LRRC37A2: variants seen among roughly 807,000 people sequenced by gnomAD.
LRRC37A2 encodes the protein leucine rich repeat containing 37 member A2.
In LRRC37A2, 9 loss-of-function variants were observed where a neutral mutation model predicts 68.8. The ratio of observed to expected loss-of-function variants is 0.13; its 90% CI spans 0.08 to 0.23. The LOEUF (loss-of-function observed/expected upper bound fraction) is 0.23, where lower values mean the gene tolerates loss of function less well. Ranked by LOEUF, LRRC37A2 falls within the 10% of genes least tolerant of loss-of-function variation. The pLI is 1.00. For missense variants in LRRC37A2, 168 were observed against 950.4 expected (o/e 0.18, Z 10.82); for synonymous variants, 63 against 367.6 (o/e 0.17, Z 9.48).
At chr17:46,556,469 CT>C (rs1433547645), downstream of LRRC37A2, 4 of 35,214 alleles carry the variant, frequency 1.1e-4, no homozygotes, top group Non-Finnish European at 1.8e-4. Flanking sequence ...CAAGTCCTGT[CT>C]TTTAAGGAGT....
At chr17:46,949,654 G>A in the LRRC37A2 span, among the ~76,000 whole-genome samples, 155 of 152,270 alleles carry the variant, frequency 1.0e-3, no homozygotes, top group African/African-American at 3.5e-3. Context: ...TGCACAAACC[G>A]TCACACAGGT....
the LRRC37A2 span, among the ~76,000 whole-genome samples, chr17:46,792,421 C>T: frequency 6.6e-6 from 1 of 152,184 alleles, no homozygotes; most frequent in Non-Finnish European, 1.5e-5. Flanking sequence ...ATTTCCTCAA[C>T]TCTGCTCTAA....
chr17:46,925,251 C>G, the LRRC37A2 span, among the ~76,000 whole-genome samples: 3 of 152,196 alleles, frequency 2.0e-5, no homozygotes, highest in Non-Finnish European at 4.4e-5. Context: ...ATTGATGTAC[C>G]TGTGTTCCAG....
At chr17:46,938,842 G>A in the LRRC37A2 span, 1 of 1,602,798 alleles carries the variant, frequency 6.2e-7, no homozygotes, top group Non-Finnish European at 8.5e-7. Flanking sequence ...GGGCCCAGAG[G>A]CCGCCTTTTG....
At chr17:46,543,569 G>A (rs2055804845) in intron 8 of LRRC37A2, among the ~76,000 whole-genome samples, 1 of 150,866 alleles carries the variant, frequency 6.6e-6, no homozygotes, top group African/African-American at 2.5e-5. Context: ...GTCAGAGAAT[G>A]CCTTGGTTCT....
the LRRC37A2 span, among the ~76,000 whole-genome samples, chr17:46,766,501 A>C: frequency 6.6e-6 from 1 of 151,796 alleles, no homozygotes; most frequent in Non-Finnish European, 1.5e-5. Context: ...TGAGTGGACG[A>C]GTGGAGGCGC....
the LRRC37A2 span, chr17:46,939,109 G>A: frequency 1.5e-5 from 18 of 1,199,836 alleles, no homozygotes; most frequent in East Asian, 8.8e-4. Flanking sequence ...CCTGTGTGCA[G>A]GACTGTCCAC....
At chr17:46,790,683 C>T in the LRRC37A2 span, among the ~76,000 whole-genome samples, 4,964 of 152,270 alleles carry the variant, frequency 0.033, 119 homozygotes, top group Middle Eastern at 0.11. Flanking sequence ...CCTCCCCCAT[C>T]ATCTCTCTCC....
the LRRC37A2 span, chr17:46,713,457 C>CGAA: frequency 6.3e-6 from 1 of 159,404 alleles, no homozygotes; most frequent in East Asian, 1.9e-4. Flanking sequence ...GCAGTTTTCC[C>CGAA]CTGCCCCCAA....
the LRRC37A2 span, among the ~76,000 whole-genome samples, chr17:46,491,142 C>G: frequency 2.0e-5 from 3 of 151,158 alleles, no homozygotes; most frequent in South Asian, 2.1e-4. Flanking sequence ...GGCGATCCGC[C>G]CGCCTCAGCT....
the LRRC37A2 span, among the ~76,000 whole-genome samples, chr17:46,500,793 A>T: frequency 2.6e-5 from 4 of 151,120 alleles, no homozygotes; most frequent in African/African-American, 9.9e-5. Context: ...ATTTTTACTC[A>T]TCTGGATCTT....
the LRRC37A2 span, among the ~76,000 whole-genome samples, chr17:46,738,377 A>G: frequency 0.78 from 119,114 of 152,144 alleles, 50,404 homozygotes; most frequent in Non-Finnish European, 0.97. Context: ...TTTTTTCTAA[A>G]TGACTGAAGC....
At chr17:46,789,812 C>T in the LRRC37A2 span, among the ~76,000 whole-genome samples, 1 of 152,352 alleles carries the variant, frequency 6.6e-6, no homozygotes, top group Non-Finnish European at 1.5e-5. Flanking sequence ...GTGGCAGATG[C>T]GCACGCAGGA....
the LRRC37A2 span, chr17:46,774,044 C>T: frequency 3.8e-6 from 5 of 1,310,488 alleles, no homozygotes; most frequent in Non-Finnish European, 5.2e-6. Context: ...GAATGTGCTA[C>T]CTTTGACCTC....
the LRRC37A2 span, among the ~76,000 whole-genome samples, chr17:47,030,100 C>T: frequency 1.2e-5 from 1 of 82,840 alleles, no homozygotes; most frequent in Admixed American, 1.2e-4. Context: ...TCATCATCAT[C>T]ATCATCATCA....
At chr17:46,569,307 AATT>A in the LRRC37A2 span, among the ~76,000 whole-genome samples, 33 of 149,682 alleles carry the variant, frequency 2.2e-4, 1 homozygote, top group African/African-American at 7.0e-4. Flanking sequence ...GATATTAAAG[AATT>A]ATTATTAATT....
At chr17:46,995,747 C>T in the LRRC37A2 span, among the ~76,000 whole-genome samples, 5 of 152,194 alleles carry the variant, frequency 3.3e-5, no homozygotes, top group Non-Finnish European at 7.3e-5. Flanking sequence ...GAGAGAGAAA[C>T]TGAGCTTCAA....
chr17:46,409,315 A>G, the LRRC37A2 span, among the ~76,000 whole-genome samples: 6 of 131,402 alleles, frequency 4.6e-5, no homozygotes, highest in African/African-American at 3.0e-5. Flanking sequence ...TTTTTTTTTT[A>G]AGACAGGGTC....
the LRRC37A2 span, among the ~76,000 whole-genome samples, chr17:46,953,683 A>G: frequency 2.6e-5 from 4 of 151,984 alleles, no homozygotes; most frequent in Admixed American, 6.6e-5. Context: ...AAGTGTTCCT[A>G]TTTCTCTCCA....
Sources: gnomAD v4.1 joint callset for allele counts (sites outside exome capture counted in the v4.1 genomes callset) on GRCh38, gnomAD v4.1.1 for gene constraint, MANE v1.5 for transcripts, NCBI Gene and HGNC (gene_info 2026-07-23, HGNC 2026-07-21) for gene names.